Variants in CPEB3 observed in about 807,000 individuals in gnomAD.
CPEB3 encodes the protein cytoplasmic polyadenylation element-binding protein 3.
A neutral mutation model predicts 67.2 loss-of-function variants in CPEB3; 20 were observed. That is an observed-to-expected ratio of 0.30 (90% CI 0.21 to 0.43). The LOEUF is 0.43. Among genes scored for constraint, CPEB3 ranks in the 20% least tolerant of loss-of-function variants. The pLI, the probability that CPEB3 is intolerant of heterozygous loss-of-function variation, is 1.00. For missense variants in CPEB3, 746 were observed against 968.6 expected, an observed-to-expected ratio of 0.77 and a Z score of 3.05; for synonymous variants, 376 against 393.1, an observed-to-expected ratio of 0.96 and a Z score of 0.51.
chr10:92,190,363 AG>A (rs1848909041), intron 3 of CPEB3, among the ~76,000 whole-genome samples: 1 of 151,974 alleles, frequency 6.6e-6, no homozygotes, highest in African/African-American at 2.4e-5. Flanking sequence ...GTGGGAGTAA[AG>A]GATATTGAAA....
intron 1 of CPEB3, among the ~76,000 whole-genome samples, chr10:92,277,191 T>C (rs1220790479): frequency 6.6e-6 from 1 of 152,226 alleles, no homozygotes; most frequent in East Asian, 1.9e-4. Flanking sequence ...ATGCTTTTGT[T>C]ATTAATCTAA....
intron 8 of CPEB3, among the ~76,000 whole-genome samples, chr10:92,091,207 CTTTT>C (rs1388065682): frequency 6.6e-6 from 1 of 151,786 alleles, no homozygotes; most frequent in Non-Finnish European, 1.5e-5. Flanking sequence ...GCAACAGTAA[CTTTT>C]TTTGTCTTAC....
At chr10:92,068,369 A>G (rs1842632945) in intron 9 of CPEB3, among the ~76,000 whole-genome samples, 1 of 152,144 alleles carries the variant, frequency 6.6e-6, no homozygotes, top group Non-Finnish European at 1.5e-5. Flanking sequence ...ATGAGTAACT[A>G]TCATGGTATC....
rs1386987694 is a variant in CPEB3, at chr10:92,049,671, C to T, written c.*2541G>A. 1 of 152,482 alleles carries T rather than the reference C, an allele frequency of 6.6e-6. No homozygotes were observed. Among genetic ancestry groups the T allele is most frequent in the Admixed American group, 6.6e-5 (1 of 15,256 alleles). The allele number at this position is 152,482 out of a possible 1,614,324, so 9.4% of individuals were successfully genotyped here. On this transcript the variant is annotated 3_prime_UTR_variant, in exon 10 of 10. Coordinates refer to ENST00000265997, the MANE Select transcript of CPEB3 (RefSeq NM_014912.5). ...ACCAAATGGAGTTTATTTTTTGTAA[C>T]CTATTCTTCAGGACAATGTTTTTTG...
chr10:92,238,623 TC>T (rs1590489892), intron 2 of CPEB3, among the ~76,000 whole-genome samples: 2 of 82,268 alleles, frequency 2.4e-5, no homozygotes, highest in East Asian at 2.8e-4. Context: ...GTCTCTTACC[TC>T]CGAAAAAAAA....
chr10:92,169,372 C>G (rs1292167283), intron 4 of CPEB3, among the ~76,000 whole-genome samples: 2 of 152,322 alleles, frequency 1.3e-5, no homozygotes, highest in East Asian at 3.9e-4. Flanking sequence ...CTCCTGACCT[C>G]AGGTGATCCA....
At chr10:92,152,512 TTAAACTAGCTATC>T (rs1847009675) in intron 4 of CPEB3, among the ~76,000 whole-genome samples, 1 of 152,186 alleles carries the variant, frequency 6.6e-6, no homozygotes, top group Non-Finnish European at 1.5e-5. Flanking sequence ...CCTTCCCCTT[TTAAACTAGCTATC>T]TGTCTTATAA....
intron 2 of CPEB3, among the ~76,000 whole-genome samples, chr10:92,198,141 G>C (rs1336542988): frequency 6.6e-6 from 1 of 152,120 alleles, no homozygotes; most frequent in Non-Finnish European, 1.5e-5. Context: ...TTAAGTCTTG[G>C]AGAGAATAAA....
chr10:92,149,245 T>A (rs1475185650), intron 4 of CPEB3, among the ~76,000 whole-genome samples: 2 of 152,218 alleles, frequency 1.3e-5, no homozygotes. Context: ...ATAGAGACCA[T>A]GATATTCTCA....
intron 2 of CPEB3, among the ~76,000 whole-genome samples, chr10:92,205,148 T>A (rs1849720023): frequency 6.6e-6 from 1 of 152,214 alleles, no homozygotes; most frequent in African/African-American, 2.4e-5. Context: ...TAAAGCTTTA[T>A]CATTTTTTAA....
chr10:92,278,805 T>C (rs1316690148), intron 1 of CPEB3, among the ~76,000 whole-genome samples: 3 of 151,984 alleles, frequency 2.0e-5, no homozygotes, highest in Non-Finnish European at 1.5e-5. Flanking sequence ...TTCACCATGT[T>C]GGCCAGGATG....
intron 6 of CPEB3, chr10:92,137,453 A>C (rs575162034): frequency 1.7e-6 from 2 of 1,201,890 alleles, no homozygotes; most frequent in East Asian, 4.9e-5. Context: ...GACATATTCC[A>C]AAAGCTCAAC....
intron 6 of CPEB3, among the ~76,000 whole-genome samples, chr10:92,135,155 T>C (rs1399150747): frequency 1.3e-5 from 2 of 152,238 alleles, no homozygotes; most frequent in South Asian, 2.1e-4. Context: ...AAAGCCAAAA[T>C]AGACAAATCA....
At chr10:92,194,009 G>A (rs1312729364) in intron 2 of CPEB3, among the ~76,000 whole-genome samples, 1 of 151,646 alleles carries the variant, frequency 6.6e-6, no homozygotes, top group Non-Finnish European at 1.5e-5. Context: ...TGTTAGACAG[G>A]ATGATCTTGA....
At chr10:92,218,594 T>C (rs1850547465) in intron 2 of CPEB3, among the ~76,000 whole-genome samples, 1 of 152,236 alleles carries the variant, frequency 6.6e-6, no homozygotes, top group Admixed American at 6.5e-5. Context: ...CATGGGTCTG[T>C]GTTTTAATGA....
At chr10:92,163,252 C>T (rs190267205) in intron 4 of CPEB3, among the ~76,000 whole-genome samples, 2 of 152,054 alleles carry the variant, frequency 1.3e-5, no homozygotes, top group South Asian at 2.1e-4. Context: ...CTGGGCAACA[C>T]GGTGAAACCT....
At chr10:92,233,481 G>T (rs898299753) in intron 2 of CPEB3, among the ~76,000 whole-genome samples, 12 of 149,100 alleles carry the variant, frequency 8.0e-5, no homozygotes, top group African/African-American at 3.0e-4. Context: ...ATGTTGCAGT[G>T]AGCCAAGATC....
chr10:92,274,093 G>A (rs539482891), intron 1 of CPEB3, among the ~76,000 whole-genome samples: 2 of 152,290 alleles, frequency 1.3e-5, no homozygotes, highest in South Asian at 2.1e-4. Flanking sequence ...TGTCAGCCAT[G>A]CCACTTACTT....
At position 92,081,293 on chromosome 10, in the gene CPEB3, G is replaced by T. The variant is rs201105292; in HGVS notation, c.1869+27C>A. On this transcript the variant is annotated intron_variant, in intron 9 of 9. Transcript: ENST00000265997. ...GAACAAACTTCTTTTCTCTCCCATAGCAGTTTCACCCTAAGTAGGTGCTTA... is the reference window on the plus strand; with the variant it reads ...GAACAAACTTCTTTTCTCTCCCATATCAGTTTCACCCTAAGTAGGTGCTTA... The T allele has an allele frequency of 1.1e-3, 1,732 of 1,613,310 alleles. 8 individuals carry two copies. In the Middle Eastern group the frequency reaches 0.015, roughly 14 times the overall value.
Sources: allele counts gnomAD v4.1 joint callset (sites outside exome capture counted in the v4.1 genomes callset), GRCh38; gene constraint gnomAD v4.1.1; transcripts MANE v1.5; gene names NCBI Gene and HGNC (gene_info 2026-07-23, HGNC 2026-07-21).